Variants in ZNF254 observed in about 807,000 individuals in gnomAD.
ZNF254 encodes zinc finger protein 254, also known as CTD-2017D11.1.
ZNF254 carries 10 observed loss-of-function variants against 12.4 expected under a neutral mutation model. The ratio of observed to expected loss-of-function variants is 0.80; its 90% confidence interval spans 0.50 to 1.36. The LOEUF is 1.36. ZNF254 is among the 40% of genes most tolerant of loss of function. The pLI is 0.00. For missense variants in ZNF254, 996 were observed against 763.9 expected, an observed-to-expected ratio of 1.30 and a Z score of -3.58; for synonymous variants, 305 against 253.4, an observed-to-expected ratio of 1.20 and a Z score of -1.93.
chr19:24,087,906 GTT>G (rs766484656), intron 1 of ZNF254, among the ~76,000 whole-genome samples: 33,821 of 125,856 alleles, frequency 0.27, 3,732 homozygotes, highest in African/African-American at 0.44. Flanking sequence ...CTAGGTTGTC[GTT>G]TTTTTTTTTT....
rs1781286467 is a variant in ZNF254, at chr19:24,106,567, A to G, written c.177A>G (p.Pro59=). 6.3e-7 allele frequency: 1 copy of G among 1,582,904 alleles called. No individual in the cohort carries two copies. Among genetic ancestry groups the G allele is most frequent in the African/African-American group, 1.3e-5 (1 of 74,146 alleles). Residue 59 remains proline, a synonymous_variant, in exon 3 of 4, where the codon CCA becomes CCG. Transcript: ENST00000357002. ...AAACAGGTATTGCTGTCTCTAAGCC[A>G]GACCTGATCACCTGTCTGGAACAAG... ...LAFLGIAVSK[P]DLITCLEQGK...
Position 24,118,269 on chromosome 19 carries a change from G to A in ZNF254, c.254-7985G>A, listed in dbSNP as rs549924361. On this transcript the variant is annotated intron_variant, in intron 3 of 3. Coordinates refer to ENST00000357002, the MANE Select transcript of ZNF254 (RefSeq NM_203282.4). ...GGGTTTCACCATGTTGATCAGGCTG[G>A]TCTTGAACTCCTGACCTCAAAATCC... is the stretch of plus-strand genomic sequence containing the variant. 1.8e-4 allele frequency among the ~76,000 whole-genome samples: 28 copies of A among 152,034 alleles called. 1 individual carries two copies. The highest frequency in any genetic ancestry group is 3.4e-3 in the Middle Eastern group (1 of 292).
intron 1 of ZNF254, 104 bp downstream of exon 1, chr19:24,087,441 A>G (rs1424667420): frequency 6.2e-6 from 9 of 1,454,898 alleles, no homozygotes; most frequent in South Asian, 5.7e-5. Flanking sequence ...CAGCTCCACA[A>G]TCTGCGCCCA....
chr19:24,061,913 GTCTC>G (rs1002918923), intron 2 of ZNF254, among the ~76,000 whole-genome samples: 1 of 151,906 alleles, frequency 6.6e-6, no homozygotes, highest in Non-Finnish European at 1.5e-5. Context: ...GAAAAACCCT[GTCTC>G]TACTAAAAAT....
At position 24,127,965 on chromosome 19, in the gene ZNF254, A is replaced by G; in HGVS notation, c.1965A>G (p.Glu655=). The change falls in exon 4 of 4, where the codon GAA becomes GAG. Residue 655 remains glutamate (E), a synonymous_variant. Transcript: ENST00000357002. ...CAGATAAGATAACTCATTGGAGAGAAATCTTACAAGTATGAATAATGTGCC... is the reference window on the plus strand; with the variant it reads ...CAGATAAGATAACTCATTGGAGAGAGATCTTACAAGTATGAATAATGTGCC... ...LTTDKITHWR[E]ILQV The G allele has an allele frequency of 1.3e-6, 2 of 1,557,726 alleles. No individual in the cohort carries two copies. The highest frequency in any genetic ancestry group is 2.0e-5 in the Admixed American group (1 of 49,250).
intron 2 of ZNF254, chr19:24,063,913 T>C (rs1380548628): frequency 1.3e-5 from 2 of 152,064 alleles, no homozygotes; most frequent in African/African-American, 4.8e-5. Flanking sequence ...TCTTGACCCA[T>C]TACAATCTCT....
At chr19:24,124,993 C>T (rs916319404) in intron 3 of ZNF254, among the ~76,000 whole-genome samples, 1 of 151,988 alleles carries the variant, frequency 6.6e-6, no homozygotes, top group African/African-American at 2.4e-5. Context: ...CCATGTTGGT[C>T]AGGTTGGTCT....
At chr19:24,044,439 G>A (rs999630742) in intron 1 of ZNF254, among the ~76,000 whole-genome samples, 5 of 151,792 alleles carry the variant, frequency 3.3e-5, no homozygotes, top group African/African-American at 1.2e-4. Context: ...TTGGGAGGCT[G>A]AGGCAAGAAA....
At chr19:24,039,332 C>T (rs2145185401) in intron 1 of ZNF254, among the ~76,000 whole-genome samples, 1 of 152,226 alleles carries the variant, frequency 6.6e-6, no homozygotes, top group East Asian at 1.9e-4. Flanking sequence ...GAAGTTAGGG[C>T]CACAACTGTC....
intron 3 of ZNF254, among the ~76,000 whole-genome samples, chr19:24,120,205 CATG>C (rs1435103900): frequency 6.6e-6 from 1 of 152,130 alleles, no homozygotes; most frequent in Non-Finnish European, 1.5e-5. Flanking sequence ...TATTCTCTAT[CATG>C]AGAACAGCAC....
rs147490367 is a variant in ZNF254 at position 24,127,506 on chromosome 19, C to G, written c.1506C>G (p.Ser502=). 3.7e-5 allele frequency: 60 copies of G among 1,611,554 alleles called. No homozygotes were observed. The East Asian group carries it at 1.3e-3, about 34-fold the overall frequency. ...AATGTGGCAAATCTTTTAGCCAATC[C>G]TCAACCCTTACTACACATAAGATAA... is the stretch of plus-strand genomic sequence containing the variant. ...CEECGKSFSQ[S]STLTTHKIIH... Residue 502 remains serine, a synonymous_variant, in exon 4 of 4, where the codon TCC becomes TCG. Transcript: ENST00000357002.
At chr19:24,096,422 C>T (rs1309525190) in intron 1 of ZNF254, among the ~76,000 whole-genome samples, 1 of 151,994 alleles carries the variant, frequency 6.6e-6, no homozygotes, top group Non-Finnish European at 1.5e-5. Flanking sequence ...TCATTATTTA[C>T]CAAAAAGTTA....
intron 2 of ZNF254, among the ~76,000 whole-genome samples, chr19:24,076,793 G>A (rs371035849): frequency 1.1e-4 from 17 of 152,220 alleles, no homozygotes; most frequent in Non-Finnish European, 1.8e-4. Flanking sequence ...AAATAGATAC[G>A]CTTGATAATA....
intron 1 of ZNF254, among the ~76,000 whole-genome samples, chr19:24,034,462 T>C (rs1351308000): frequency 6.6e-6 from 1 of 150,818 alleles, no homozygotes; most frequent in Non-Finnish European, 1.5e-5. Flanking sequence ...TTGTGATATA[T>C]GACAAATTTA....
chr19:24,049,210 A>ATTTTTTT (rs1256957447), intron 2 of ZNF254, among the ~76,000 whole-genome samples: 11 of 46,202 alleles, frequency 2.4e-4, no homozygotes, highest in South Asian at 1.3e-3. Context: ...ATATATATAT[A>ATTTTTTT]TATATTTTTT....
intron 2 of ZNF254, among the ~76,000 whole-genome samples, chr19:24,054,247 C>G (rs1034411052): frequency 6.6e-6 from 1 of 152,136 alleles, no homozygotes; most frequent in Non-Finnish European, 1.5e-5. Flanking sequence ...CTGCTTGTTT[C>G]CTTCCCTCGG....
chr19:24,124,529 G>T (rs1318099628), intron 3 of ZNF254, among the ~76,000 whole-genome samples: 3 of 152,050 alleles, frequency 2.0e-5, no homozygotes. Context: ...TATATGTAGG[G>T]CATATGCATT....
intron 1 of ZNF254, among the ~76,000 whole-genome samples, chr19:24,102,165 G>A (rs116870850): frequency 0.01 from 1,542 of 151,488 alleles, 31 homozygotes; most frequent in Admixed American, 0.042. Context: ...CTTTATTTGG[G>A]CCATTTTCTT....
intron 2 of ZNF254, chr19:24,049,428 G>C (rs929894153): frequency 6.6e-6 from 1 of 151,552 alleles, no homozygotes; most frequent in Non-Finnish European, 1.5e-5. Context: ...TCTCATCCCT[G>C]AACATTTCTG....
Sources: gnomAD v4.1 joint callset for allele counts (sites outside exome capture counted in the v4.1 genomes callset) on GRCh38, gnomAD v4.1.1 for gene constraint, MANE v1.5 for transcripts, NCBI Gene and HGNC (gene_info 2026-07-23, HGNC 2026-07-21) for gene names.